Variants in PCBP2 observed in about 807,000 individuals in gnomAD.
PCBP2 encodes the protein poly(rC) binding protein 2, also known as poly(rC)-binding protein 2.
In PCBP2, 4 loss-of-function variants were observed where a neutral mutation model predicts 50.1. That is an observed-to-expected ratio of 0.08 (90% confidence interval 0.04 to 0.18). PCBP2 has a LOEUF of 0.18. Among genes scored for constraint, PCBP2 ranks in the 10% least tolerant of loss-of-function variants. PCBP2 has a pLI of 1.00. For synonymous variants in PCBP2, 179 were observed against 168.0 expected (o/e 1.07, Z -0.51); for missense variants, 161 against 474.3 (o/e 0.34, Z 6.14).
intron 8 of PCBP2, among the ~76,000 whole-genome samples, chr12:53,463,051 T>G (rs1490874407): frequency 6.6e-6 from 1 of 152,138 alleles, no homozygotes; most frequent in Non-Finnish European, 1.5e-5. Flanking sequence ...TCCAGTGTGT[T>G]GTCCCCTAGG....
At chr12:53,465,554 G>A (rs180750702) in intron 9 of PCBP2, among the ~76,000 whole-genome samples, 2 of 152,292 alleles carry the variant, frequency 1.3e-5, no homozygotes, top group East Asian at 1.9e-4. Context: ...GAAGGGTTGG[G>A]GTGGTGAGGG....
rs1409268605 is a variant in PCBP2, at chr12:53,467,264, C to A, written c.758C>A (p.Pro253His). The A allele has an allele frequency of 6.2e-7, 1 of 1,614,016 alleles. No individual in the cohort carries two copies. Among genetic ancestry groups the A allele is most frequent in the Non-Finnish European group, 8.5e-7 (1 of 1,179,888 alleles). Residue 253 changes from proline to histidine, a missense_variant, in exon 11 of 15, where the codon CCC becomes CAC. Pro to His is a moderately conservative substitution (Grantham distance 77, BLOSUM62 -2). Around this residue, in one of 7 missense-constraint regions of PCBP2, gnomAD observed 51 missense variants for 193.0 expected, o/e 0.26. Transcript: ENST00000546463. ...TTGGCAATGCAACAGTCTCATTTTC[C>A]CATGACGCATGGCAACACCGGATTC... ...HQLAMQQSHF[P>H]MTHGNTGFSG...
intron 4 of PCBP2, 117 bp from the exon 5 acceptor site, chr12:53,455,768 C>A: frequency 1.3e-6 from 1 of 759,956 alleles, no homozygotes; most frequent in South Asian, 1.6e-5. Context: ...TGGAATGATG[C>A]TGACTTTGCT....
intron 10 of PCBP2, 149 bp downstream of exon 10, chr12:53,466,122 T>C: frequency 1.4e-6 from 1 of 724,874 alleles, no homozygotes; most frequent in Non-Finnish European, 2.5e-6. Context: ...TCCCATATTT[T>C]AGCCCTTTAA....
chr12:53,459,509 T>A, intron 6 of PCBP2, 106 bp downstream of exon 6: 1 of 938,702 alleles, frequency 1.1e-6, no homozygotes, highest in Non-Finnish European at 1.6e-6. Flanking sequence ...TTTATTGAAG[T>A]AACAGTTCTA....
chr12:53,475,454 T>C (rs977861385), intron 14 of PCBP2: 13 of 286,214 alleles, frequency 4.5e-5, no homozygotes, highest in Admixed American at 1.0e-4. Context: ...TTTTCTCTTC[T>C]TTCTTGTTTG....
At chr12:53,462,837 T>TTC (rs1941547304) in intron 8 of PCBP2, among the ~76,000 whole-genome samples, 1 of 152,156 alleles carries the variant, frequency 6.6e-6, no homozygotes, top group African/African-American at 2.4e-5. Flanking sequence ...CTGTCTCTAC[T>TTC]TCTCTCCCTG....
intron 1 of PCBP2, among the ~76,000 whole-genome samples, chr12:53,454,170 T>G (rs897889726): frequency 3.3e-5 from 5 of 152,222 alleles, no homozygotes; most frequent in Non-Finnish European, 7.3e-5. Flanking sequence ...TCAGTGAGGG[T>G]GTTGATCTAA....
At chr12:53,466,787 C>G (rs1419037708) in intron 10 of PCBP2, among the ~76,000 whole-genome samples, 1 of 152,130 alleles carries the variant, frequency 6.6e-6, no homozygotes, top group Non-Finnish European at 1.5e-5. Context: ...TGCAGTCTCC[C>G]TGCCCCCCTC....
intron 5 of PCBP2, 109 bp from the exon 6 acceptor site, chr12:53,459,163 C>T (rs1941262196): frequency 2.3e-6 from 2 of 853,564 alleles, no homozygotes. Context: ...TGGATTATGA[C>T]CTCGCATGTC....
At chr12:53,473,731 A>C (rs568979920) in intron 14 of PCBP2, among the ~76,000 whole-genome samples, 1 of 151,896 alleles carries the variant, frequency 6.6e-6, no homozygotes, top group African/African-American at 2.4e-5. Context: ...TTCTTTCTCA[A>C]CTTGGTGCAG....
rs1941260858 is a variant in PCBP2, at chr12:53,459,147, C to G, written c.244-125C>G. On this transcript the variant is annotated intron_variant, in intron 5 of 14. Coordinates refer to ENST00000546463, the MANE Select transcript of PCBP2 (RefSeq NM_031989.5). ...GGGGCATGGTATTTGAACCTTTTGT[C>G]TATGGTGGATTATGACCTCGCATGT... The G allele has an allele frequency of 7.3e-6, 5 of 688,028 alleles. No individual in the cohort carries two copies. In the South Asian group the frequency reaches 2.0e-4, roughly 27 times the overall value. 42.6% of individuals were successfully genotyped at this position (688,028 alleles called of 1,614,324 possible).
chr12:53,475,376 A>T (rs1353129672), intron 14 of PCBP2: 1 of 354,226 alleles, frequency 2.8e-6, no homozygotes, highest in Non-Finnish European at 5.6e-6. Context: ...ACCCTTGTTT[A>T]GGTTTAGGCC....
intron 9 of PCBP2, 191 bp downstream of exon 9, chr12:53,465,043 T>G (rs1227632736): frequency 9.9e-6 from 2 of 201,716 alleles, no homozygotes; most frequent in East Asian, 2.4e-4. Context: ...TAACACCAAC[T>G]TTTTTTTTTT....
In PCBP2 at chr12:53,461,128, C is replaced by T. The variant is rs768341351; in HGVS notation, c.489C>T (p.Cys163=). ...QSIIECVKQI[C]VVMLESPPKG... ...TCATTGAGTGTGTCAAACAGATCTG[C>T]GTGGTCATGTTGGAGGTAAGCCCTC... Residue 163 remains cysteine (C), a synonymous_variant, in exon 7 of 15, where the codon TGC becomes TGT. Transcript: ENST00000546463. 9.9e-6 allele frequency: 16 copies of T among 1,613,710 alleles called. No individual in the cohort carries two copies. Among genetic ancestry groups the T allele is most frequent in the Non-Finnish European group, 1.3e-5 (15 of 1,179,900 alleles).
chr12:53,471,819 C>G lies in PCBP2; in HGVS notation c.1052+12C>G, dbSNP rs1173260703. Reference sequence around the variant, plus strand: ...CTAATCAATGTCAGGTAAGATTGCTCTACCTTTTGTCTTATTTATGCCAAC... The same window carrying G: ...CTAATCAATGTCAGGTAAGATTGCTGTACCTTTTGTCTTATTTATGCCAAC... On this transcript the variant is annotated intron_variant, in intron 14 of 14. Coordinates refer to ENST00000546463, the MANE Select transcript of PCBP2 (RefSeq NM_031989.5). The G allele has an allele frequency of 1.9e-6, 3 of 1,607,492 alleles. No individual in the cohort carries two copies. The Admixed American group carries it at 5.0e-5, about 27-fold the overall frequency.
chr12:53,464,935 G>T, intron 9 of PCBP2, 83 bp downstream of exon 9: 1 of 1,450,766 alleles, frequency 6.9e-7, no homozygotes, highest in Non-Finnish European at 9.0e-7. Context: ...GGCCAGTGGC[G>T]CTGGTGATTT....
chr12:53,457,407 G>A (rs1941111995), intron 5 of PCBP2, among the ~76,000 whole-genome samples: 2 of 150,778 alleles, frequency 1.3e-5, no homozygotes, highest in Non-Finnish European at 1.5e-5. Context: ...CTCTGTTACC[G>A]AGGCTGAAGT....
At chr12:53,470,603 G>GT (rs1013107004) in intron 13 of PCBP2, among the ~76,000 whole-genome samples, 1 of 151,686 alleles carries the variant, frequency 6.6e-6, no homozygotes, top group African/African-American at 2.4e-5. Context: ...AAAGACAAGA[G>GT]TTTCGCCATG....
Sources: allele counts gnomAD v4.1 joint callset (sites outside exome capture counted in the v4.1 genomes callset), GRCh38; gene constraint gnomAD v4.1.1; regional missense constraint gnomAD v4.1.1; transcripts MANE v1.5; gene names NCBI Gene and HGNC (gene_info 2026-07-23, HGNC 2026-07-21).